Variants in SPNS3 observed in about 807,000 individuals in gnomAD.
The protein encoded by SPNS3 is protein spinster homolog 3.
SPNS3 carries 51 observed loss-of-function variants against 54.4 expected under a neutral mutation model. That is an observed-to-expected ratio of 0.94 (90% CI 0.75 to 1.18). The LOEUF is 1.18. Ranked by LOEUF, SPNS3 falls within the 50% of genes most tolerant of loss-of-function variation. SPNS3 has a pLI of 0.00. For missense variants in SPNS3, 669 were observed against 677.4 expected (o/e 0.99, Z 0.14); for synonymous variants, 309 against 294.7 (o/e 1.05, Z -0.50).
rs541283264 is a variant in SPNS3 at position 4,437,840 on chromosome 17, G to A, written c.200-1818G>A. Among the ~76,000 whole-genome samples the A allele has an allele frequency of 2.7e-5, 4 of 149,552 alleles. No homozygotes were observed. In the South Asian group the frequency reaches 8.5e-4, roughly 32 times the overall value. On this transcript the variant is annotated intron_variant, in intron 1 of 11. Transcript: ENST00000355530. The stretch of plus-strand genomic sequence containing the variant: ...CTCACTCTGTCGCCCAGGCTGGAGT[G>A]CAGTGGCATGATCTCAGCTCACTGC...
At chr17:4,437,747 A>G (rs912539239) in intron 1 of SPNS3, among the ~76,000 whole-genome samples, 5 of 152,104 alleles carry the variant, frequency 3.3e-5, no homozygotes, top group Non-Finnish European at 7.4e-5. Context: ...GCCAGGTTGC[A>G]GTGGCAATTG....
At chr17:4,467,906 A>G (rs1277696558) in intron 8 of SPNS3, among the ~76,000 whole-genome samples, 2 of 152,234 alleles carry the variant, frequency 1.3e-5, no homozygotes, top group Admixed American at 1.3e-4. Context: ...CCTGACCTCA[A>G]GTGGTCCACT....
At chr17:4,471,629 C>T (rs1049074803) in intron 8 of SPNS3, among the ~76,000 whole-genome samples, 7 of 151,900 alleles carry the variant, frequency 4.6e-5, no homozygotes, top group African/African-American at 1.7e-4. Context: ...CCACACCCAG[C>T]TAATTTTTGT....
chr17:4,459,870 T>C (rs887108422), intron 8 of SPNS3, among the ~76,000 whole-genome samples: 1 of 152,082 alleles, frequency 6.6e-6, no homozygotes, highest in Non-Finnish European at 1.5e-5. Flanking sequence ...TTCAGAGTAT[T>C]TCAGATAATA....
chr17:4,435,336 T>C (rs1037758226), intron 1 of SPNS3, among the ~76,000 whole-genome samples: 26 of 150,324 alleles, frequency 1.7e-4, no homozygotes, highest in African/African-American at 6.4e-4. Flanking sequence ...GGCAGAGAAT[T>C]GCTTGAACCT....
chr17:4,472,820 G>C (rs1365908971), intron 8 of SPNS3, among the ~76,000 whole-genome samples: 1 of 95,138 alleles, frequency 1.1e-5, no homozygotes, highest in Non-Finnish European at 1.9e-5. Context: ...GGATTTTGCT[G>C]TCACCCAGGC....
intron 1 of SPNS3, among the ~76,000 whole-genome samples, chr17:4,437,563 A>G (rs960518061): frequency 1.3e-5 from 2 of 152,022 alleles, no homozygotes; most frequent in Non-Finnish European, 2.9e-5. Flanking sequence ...GCTACTTGGG[A>G]GGCCGAGGCA....
intron 8 of SPNS3, among the ~76,000 whole-genome samples, chr17:4,455,922 G>T (rs941572778): frequency 1.3e-5 from 2 of 152,094 alleles, no homozygotes. Context: ...CTCTGTGGGG[G>T]GGGGGTGAGT....
intron 8 of SPNS3, among the ~76,000 whole-genome samples, chr17:4,460,108 C>T (rs1971456376): frequency 6.6e-6 from 1 of 152,012 alleles, no homozygotes; most frequent in Admixed American, 6.6e-5. Flanking sequence ...CAGGAGTGTA[C>T]CCGATGGGTT....
At chr17:4,451,502 C>T (rs996209227) in intron 7 of SPNS3, among the ~76,000 whole-genome samples, 41 of 152,118 alleles carry the variant, frequency 2.7e-4, no homozygotes, top group African/African-American at 8.2e-4. Flanking sequence ...CAAGCTACAT[C>T]GGTCAGCGTG....
At chr17:4,464,301 G>A (rs1031128667) in intron 8 of SPNS3, among the ~76,000 whole-genome samples, 13 of 152,276 alleles carry the variant, frequency 8.5e-5, no homozygotes, top group African/African-American at 2.2e-4. Flanking sequence ...TACCACCTTC[G>A]TTGGCCTTCT....
intron 1 of SPNS3, among the ~76,000 whole-genome samples, chr17:4,437,073 G>A (rs1265339804): frequency 6.6e-6 from 1 of 152,200 alleles, no homozygotes; most frequent in Admixed American, 6.5e-5. Flanking sequence ...GTTACTGTGG[G>A]GATAGAGACC....
At chr17:4,443,236 A>G (rs775518544) in intron 2 of SPNS3, among the ~76,000 whole-genome samples, 32 of 152,046 alleles carry the variant, frequency 2.1e-4, no homozygotes, top group Admixed American at 3.9e-4. Flanking sequence ...ATGCTCAGCT[A>G]ACTTCTGTAT....
At chr17:4,453,277 C>A in intron 8 of SPNS3, 72 bp downstream of exon 8, 1 of 1,410,608 alleles carries the variant, frequency 7.1e-7, no homozygotes, top group Non-Finnish European at 9.7e-7. Context: ...CAGGCTCATG[C>A]TGCGCCCGGC....
At position 4,486,118 on chromosome 17, in the gene SPNS3, A is replaced by T; in HGVS notation, c.1180-110A>T. The T allele has an allele frequency of 1.1e-6, 1 of 921,988 alleles. No homozygotes were observed. The highest frequency in any genetic ancestry group is 1.5e-6 in the Non-Finnish European group (1 of 646,152). The allele number at this position is 921,988 out of a possible 1,614,324, so 57.1% of individuals were successfully genotyped here. ...GGGACCGTCGACTCCCTCCCATCCC[A>T]CTCACCTGAATGGCCTGTCACTCCT... On this transcript the variant is annotated intron_variant, in intron 9 of 11. Transcript: ENST00000355530. The surrounding 1 kb of genome is among the most constrained non-coding windows in gnomAD (Gnocchi z 5.5).
chr17:4,447,087 C>A, intron 5 of SPNS3, 125 bp downstream of exon 5: 1 of 938,664 alleles, frequency 1.1e-6, no homozygotes, highest in Non-Finnish European at 1.7e-6. Flanking sequence ...GGGTGGTGGT[C>A]AGGCATCGGC....
intron 8 of SPNS3, among the ~76,000 whole-genome samples, chr17:4,458,205 A>C (rs369332294): frequency 1.3e-5 from 2 of 151,968 alleles, no homozygotes; most frequent in Admixed American, 1.3e-4. Flanking sequence ...ACTGTTCTAG[A>C]AGCCACCTTC....
At chr17:4,464,545 G>T (rs915300938) in intron 8 of SPNS3, among the ~76,000 whole-genome samples, 5 of 152,146 alleles carry the variant, frequency 3.3e-5, no homozygotes, top group Non-Finnish European at 7.3e-5. Flanking sequence ...TTCCTTACCA[G>T]TTGTGTGACT....
intron 8 of SPNS3, among the ~76,000 whole-genome samples, chr17:4,459,284 G>A (rs1037079606): frequency 6.6e-6 from 1 of 152,184 alleles, no homozygotes; most frequent in African/African-American, 2.4e-5. Flanking sequence ...CACAGTGTCA[G>A]GCACGTGGAC....
Sources: gnomAD v4.1 joint callset for allele counts (sites outside exome capture counted in the v4.1 genomes callset) on GRCh38, gnomAD v4.1.1 for gene constraint, Gnocchi (gnomAD v3.1) non-coding constraint, MANE v1.5 for transcripts, NCBI Gene and HGNC (gene_info 2026-07-23, HGNC 2026-07-21) for gene names.